SEMA3A: variants seen among roughly 807,000 people sequenced by gnomAD.
SEMA3A encodes the protein semaphorin 3A.
In SEMA3A, 29 loss-of-function variants were observed where a neutral mutation model predicts 97.9. That is an observed-to-expected ratio of 0.30 (90% CI 0.22 to 0.40). The LOEUF (loss-of-function observed/expected upper bound fraction) is 0.40, where lower values mean the gene tolerates loss of function less well. SEMA3A is among the 10% of genes least tolerant of loss of function. SEMA3A has a pLI of 1.00. For missense variants in SEMA3A, 763 were observed against 951.3 expected (o/e 0.80, Z 2.60); for synonymous variants, 321 against 323.7 (o/e 0.99, Z 0.09).
intron 12 of SEMA3A, 72 bp downstream of exon 12, chr7:84,001,883 T>TCAGTGTGCAGCTGTC: frequency 9.9e-7 from 1 of 1,011,124 alleles, no homozygotes; most frequent in Non-Finnish European, 1.5e-6. Context: ...CATACCAAGT[T>TCAGTGTGCAGCTGTC]CAGTGTGCAG....
chr7:84,022,001 C>T (rs73376844), intron 6 of SEMA3A, among the ~76,000 whole-genome samples: 7,677 of 152,100 alleles, frequency 0.05, 649 homozygotes, highest in African/African-American at 0.17. Context: ...GTTCTTTTTA[C>T]GTAGAAGAAG....
intron 3 of SEMA3A, among the ~76,000 whole-genome samples, chr7:84,203,526 AT>A (rs35519031): frequency 2.7e-4 from 7 of 25,672 alleles, no homozygotes; most frequent in South Asian, 2.9e-3. Flanking sequence ...ATATATATAT[AT>A]TTTTTTTTTT....
At chr7:84,099,737 T>C (rs918828387) in intron 4 of SEMA3A, among the ~76,000 whole-genome samples, 1 of 152,172 alleles carries the variant, frequency 6.6e-6, no homozygotes, top group East Asian at 1.9e-4. Context: ...TATTTAGATA[T>C]CTTGATGTTT....
At chr7:84,440,529 G>A (rs1266368142) in intron 1 of SEMA3A, among the ~76,000 whole-genome samples, 1 of 151,932 alleles carries the variant, frequency 6.6e-6, no homozygotes, top group Non-Finnish European at 1.5e-5. Flanking sequence ...TGAATCCTCC[G>A]CCTTTCTTTT....
intron 1 of SEMA3A, among the ~76,000 whole-genome samples, chr7:84,181,886 C>T (rs1323846806): frequency 6.6e-6 from 1 of 152,066 alleles, no homozygotes; most frequent in Non-Finnish European, 1.5e-5. Context: ...AAATAAAATT[C>T]TTCTTGGTCT....
At chr7:84,045,032 T>C (rs1171142981) in intron 6 of SEMA3A, among the ~76,000 whole-genome samples, 1 of 152,018 alleles carries the variant, frequency 6.6e-6, no homozygotes, top group Non-Finnish European at 1.5e-5. Context: ...GTATGTTTTA[T>C]GTTTTGAGTA....
intron 2 of SEMA3A, among the ~76,000 whole-genome samples, chr7:84,324,529 A>G (rs1205753633): frequency 6.6e-6 from 1 of 152,224 alleles, no homozygotes; most frequent in African/African-American, 2.4e-5. Context: ...GCTGAAACAA[A>G]ACAAATGCTG....
rs148082782 is a variant in SEMA3A at position 84,131,743 on chromosome 7, A to G, written c.271-2558T>C. Among the ~76,000 whole-genome samples the G allele has an allele frequency of 2.8e-3, 422 of 151,584 alleles. 1 individual carries two copies. The highest frequency in any genetic ancestry group is 9.7e-3 in the African/African-American group (400 of 41,336). Reference sequence around the variant, plus strand: ...ATATACATAGGTTAAAAGGAATATTAAAACACTCCAAATATATGTATAAAC... The same window carrying G: ...ATATACATAGGTTAAAAGGAATATTGAAACACTCCAAATATATGTATAAAC... On this transcript the variant is annotated intron_variant, in intron 2 of 16. Transcript: ENST00000265362.
At chr7:84,025,036 G>A (rs1174621394) in intron 6 of SEMA3A, among the ~76,000 whole-genome samples, 1 of 152,132 alleles carries the variant, frequency 6.6e-6, no homozygotes, top group South Asian at 2.1e-4. Flanking sequence ...GCAGTGAGCC[G>A]AGATGGTGCC....
chr7:84,102,588 CTTTTTT>C (rs3074757), intron 4 of SEMA3A, among the ~76,000 whole-genome samples: 1 of 96,846 alleles, frequency 1.0e-5, no homozygotes, highest in Non-Finnish European at 1.9e-5. Flanking sequence ...TGCATTATCG[CTTTTTT>C]TTTTTTTTTT....
intron 5 of SEMA3A, among the ~76,000 whole-genome samples, chr7:84,059,810 A>C (rs1793142188): frequency 6.6e-6 from 1 of 152,046 alleles, no homozygotes; most frequent in Non-Finnish European, 1.5e-5. Flanking sequence ...AGAGAAAATA[A>C]AAAATTTAAA....
chr7:84,005,290 T>TAAAC (rs1196755354), intron 11 of SEMA3A, 49 bp downstream of exon 11: 1 of 1,338,466 alleles, frequency 7.5e-7, no homozygotes, highest in East Asian at 2.3e-5. Flanking sequence ...CTTAATCAGT[T>TAAAC]AAACATAGTG....
intron 2 of SEMA3A, among the ~76,000 whole-genome samples, chr7:84,131,639 G>C (rs1056012022): frequency 6.6e-6 from 1 of 152,026 alleles, no homozygotes; most frequent in Non-Finnish European, 1.5e-5. Context: ...AGGTCATCAA[G>C]AATTATTAAT....
intron 1 of SEMA3A, among the ~76,000 whole-genome samples, chr7:84,162,253 C>T (rs748318710): frequency 6.6e-6 from 1 of 151,998 alleles, no homozygotes; most frequent in Non-Finnish European, 1.5e-5. Flanking sequence ...ACTACAGAAA[C>T]AATTGGATGT....
rs1788546790 is a variant in SEMA3A, at chr7:83,963,248, AC to A, written c.1816del (p.Val606SerfsTer58). The stretch of plus-strand genomic sequence containing the variant: ...ATTTCGCCTCTGGAATTGCCAATAG[AC>A]CAGCGCTCTCTGCGACTTCGGACTG... ...ECSPKSQRAL[V>X]YWQFQRRNEE... On this transcript the variant is annotated frameshift_variant, in exon 16 of 17. Transcript: ENST00000265362. LOFTEE classifies it high-confidence loss of function. The A allele has an allele frequency of 6.2e-7, 1 of 1,613,494 alleles. No individual in the cohort carries two copies. The highest frequency in any genetic ancestry group is 1.3e-5 in the African/African-American group (1 of 74,902).
At chr7:84,239,877 A>G (rs1233553318) in intron 3 of SEMA3A, among the ~76,000 whole-genome samples, 1 of 152,148 alleles carries the variant, frequency 6.6e-6, no homozygotes, top group Non-Finnish European at 1.5e-5. Flanking sequence ...GTCATAAAAA[A>G]TTTACCTGTC....
intron 1 of SEMA3A, among the ~76,000 whole-genome samples, chr7:84,149,623 T>C (rs1430913372): frequency 6.6e-6 from 1 of 152,232 alleles, no homozygotes; most frequent in Non-Finnish European, 1.5e-5. Flanking sequence ...GGCAAAAATA[T>C]AGCATAAGCT....
At position 83,958,877 on chromosome 7, in the gene SEMA3A, C is replaced by G. The variant is rs1346237064; in HGVS notation, c.*2494G>C. The G allele has an allele frequency of 6.6e-6, 1 of 152,240 alleles. No individual in the cohort carries two copies. The highest frequency in any genetic ancestry group is 2.4e-5 in the African/African-American group (1 of 41,432). 9.4% of individuals were successfully genotyped at this position (152,240 alleles called of 1,614,324 possible). Reference sequence around the variant, plus strand: ...AATTTTCGTAAGGTCACATGAGTCTCTCAAACAGTTTCATCTCTGATGATT... The same window carrying G: ...AATTTTCGTAAGGTCACATGAGTCTGTCAAACAGTTTCATCTCTGATGATT... On this transcript the variant is annotated 3_prime_UTR_variant, in exon 17 of 17. Transcript: ENST00000265362.
intron 1 of SEMA3A, among the ~76,000 whole-genome samples, chr7:84,483,453 G>A (rs1806494972): frequency 1.3e-5 from 2 of 152,136 alleles, no homozygotes; most frequent in Non-Finnish European, 2.9e-5. Context: ...TAGAAGCTGT[G>A]TCTCTCTTGT....
Sources: gnomAD v4.1 joint callset for allele counts (sites outside exome capture counted in the v4.1 genomes callset) on GRCh38, gnomAD v4.1.1 for gene constraint, MANE v1.5 for transcripts, NCBI Gene and HGNC (gene_info 2026-07-23, HGNC 2026-07-21) for gene names.